ZNF324B: variants seen among roughly 807,000 people sequenced by gnomAD.
The protein encoded by ZNF324B is zinc finger protein 324B.
In ZNF324B, 7 loss-of-function variants were observed where a neutral mutation model predicts 10.6. The ratio of observed to expected loss-of-function variants is 0.66; its 90% CI spans 0.38 to 1.24. ZNF324B has a LOEUF of 1.24. ZNF324B is among the 50% of genes most tolerant of loss of function. ZNF324B has a pLI of 0.02. For synonymous variants in ZNF324B, 316 were observed against 321.0 expected, an observed-to-expected ratio of 0.98 and a Z score of 0.17; for missense variants, 640 against 764.7, an observed-to-expected ratio of 0.84 and a Z score of 1.92.
At chr19:58,424,994 G>A in the ZNF324B span, among the ~76,000 whole-genome samples, 4 of 152,084 alleles carry the variant, frequency 2.6e-5, no homozygotes, top group Admixed American at 2.0e-4. Flanking sequence ...TGTGGCTCAT[G>A]GCTGTAATCC....
At chr19:58,419,034 T>G in the ZNF324B span, 2 of 152,144 alleles carry the variant, frequency 1.3e-5, no homozygotes, top group Non-Finnish European at 2.9e-5. Context: ...TTTTTCTGCC[T>G]CAGTGGGGAT....
intron 1 of ZNF324B, among the ~76,000 whole-genome samples, chr19:58,451,953 C>G (rs9676488): frequency 0.043 from 6,565 of 152,304 alleles, 433 homozygotes; most frequent in African/African-American, 0.15. Flanking sequence ...CTCCCAGTTG[C>G]GGGTTCCGCT....
At chr19:58,451,442 A>C (rs1205046498), upstream of ZNF324B, among the ~76,000 whole-genome samples, 3 of 152,206 alleles carry the variant, frequency 2.0e-5, no homozygotes, top group Admixed American at 6.5e-5. Flanking sequence ...CAGCTGCGCT[A>C]CTCCATTTCC....
At position 58,456,774 on chromosome 19, in the gene ZNF324B, C is replaced by A; in HGVS notation, c.*195C>A. The stretch of plus-strand genomic sequence containing the variant: ...CCAGTTTAGTCATAGCTCACACCTC[C>A]ATCCTCAAAGAGGTAACACTGCAGA... On this transcript the variant is annotated 3_prime_UTR_variant, in exon 4 of 4. Transcript: ENST00000336614. This position sits in a 1 kb window ranked among gnomAD's most constrained non-coding sequence, Gnocchi z 4.7. 3.1e-6 allele frequency: 2 copies of A among 652,482 alleles called. No homozygotes were observed. Among genetic ancestry groups the A allele is most frequent in the Non-Finnish European group, 5.2e-6 (2 of 385,760 alleles). The allele number at this position is 652,482 out of a possible 1,614,324, so 40.4% of individuals were successfully genotyped here. A position where few individuals can be genotyped will look rare whatever the true frequency, so the allele number is the denominator to read the frequency against.
At chr19:58,441,485 G>A in the ZNF324B span, 6 of 152,232 alleles carry the variant, frequency 3.9e-5, no homozygotes, top group African/African-American at 1.4e-4. Flanking sequence ...ATGAGTAGGG[G>A]TGAAGGACCA....
chr19:58,455,982 C>T lies in ZNF324B; in HGVS notation c.1038C>T (p.Cys346=). 3 of 1,591,516 alleles carry T rather than the reference C, an allele frequency of 1.9e-6. No individual in the cohort carries two copies. Among genetic ancestry groups the T allele is most frequent in the South Asian group, 2.2e-5 (2 of 89,862 alleles). Residue 346 remains cysteine (C), a synonymous_variant, in exon 4 of 4, where the codon TGC becomes TGT. Coordinates refer to ENST00000336614, the MANE Select transcript of ZNF324B (RefSeq NM_207395.3). The surrounding 1 kb of genome is among the most constrained non-coding windows in gnomAD (Gnocchi z 7.0). ...AGAAGTCCTTCCGCTGCTCCGAGTG[C>T]GGCAAGGCCTTCAGCCACGGCTCCA... ...TAEKSFRCSE[C]GKAFSHGSNL...
chr19:58,434,554 CCA>C, the ZNF324B span: 1 of 1,614,094 alleles, frequency 6.2e-7, no homozygotes, highest in South Asian at 1.1e-5. Flanking sequence ...AAAGGCCTTC[CCA>C]CACTCCTTAC....
chr19:58,442,341 T>A, the ZNF324B span: 3 of 149,796 alleles, frequency 2.0e-5, no homozygotes, highest in Non-Finnish European at 4.4e-5. Flanking sequence ...GCTAATTTTT[T>A]TTTTTTGTAT....
At chr19:58,435,486 C>A in the ZNF324B span, 1 of 340,348 alleles carries the variant, frequency 2.9e-6, no homozygotes. Context: ...GATATATACA[C>A]AAATGGCCAA....
Position 58,451,635 on chromosome 19 carries a change from T to G in ZNF324B, c.-76T>G, listed in dbSNP as rs753903709. 1.5e-5 allele frequency: 8 copies of G among 517,272 alleles called. No individual in the cohort carries two copies. The highest frequency in any genetic ancestry group is 1.4e-4 in the African/African-American group (7 of 51,688). 32.0% of individuals were successfully genotyped at this position (517,272 alleles called of 1,614,324 possible). On this transcript the variant is annotated 5_prime_UTR_variant, in exon 1 of 4. Transcript: ENST00000336614. ...GGCGTTGGGACTGTCACTTGGCTGC[T>G]CGCGTCAGGCCACACCGGTGGTCTG...
the ZNF324B span, chr19:58,445,468 C>T: frequency 9.6e-5 from 50 of 518,802 alleles, no homozygotes; most frequent in Non-Finnish European, 1.8e-4. Context: ...TGGAGAAAAG[C>T]CTTTTGATTA....
the ZNF324B span, among the ~76,000 whole-genome samples, chr19:58,421,631 G>A: frequency 2.0e-5 from 3 of 151,812 alleles, no homozygotes; most frequent in Admixed American, 6.6e-5. Flanking sequence ...CGCCCACCTC[G>A]GCCTCCCAAA....
chr19:58,427,436 TTCCTTCCTTTCCTTTCCCTTCC>T, the ZNF324B span, among the ~76,000 whole-genome samples: 7 of 44,670 alleles, frequency 1.6e-4, no homozygotes, highest in African/African-American at 7.5e-4. Flanking sequence ...CCTTCCTTCC[TTCCTTCCTTTCCTTTCCCTTCC>T]TTCCTTCCTT....
chr19:58,423,441 T>G, the ZNF324B span, among the ~76,000 whole-genome samples: 1 of 152,254 alleles, frequency 6.6e-6, no homozygotes, highest in African/African-American at 2.4e-5. Context: ...ATTGCAGGCA[T>G]GAGCCACTGC....
intron 1 of ZNF324B, 25 bp downstream of exon 1, chr19:58,451,729 C>T (rs773603235): frequency 1.3e-5 from 6 of 452,192 alleles, no homozygotes; most frequent in Non-Finnish European, 2.2e-5. Context: ...CAGCCGGCCG[C>T]GCCCCCAAGC....
the ZNF324B span, chr19:58,432,370 C>T: frequency 2.0e-6 from 1 of 507,228 alleles, no homozygotes; most frequent in African/African-American, 1.9e-5. Context: ...TCTGCACACC[C>T]TCACCCTGCA....
the ZNF324B span, chr19:58,433,478 C>G: frequency 1.2e-5 from 19 of 1,614,002 alleles, no homozygotes; most frequent in Non-Finnish European, 1.5e-5. Context: ...TGGATGCACT[C>G]ATAGGGCCTT....
intron 1 of ZNF324B, chr19:58,452,595 C>T (rs140839388): frequency 0.011 from 5,991 of 521,850 alleles, 51 homozygotes; most frequent in Admixed American, 0.026. Context: ...AAGAGAGCTG[C>T]TGTAGATAGA....
the ZNF324B span, among the ~76,000 whole-genome samples, chr19:58,427,369 T>C: frequency 5.4e-4 from 23 of 42,202 alleles, no homozygotes; most frequent in Middle Eastern, 0.01. Flanking sequence ...TTTCTTTCTT[T>C]CTTTCTTTCT....
Sources: allele counts gnomAD v4.1 joint callset (sites outside exome capture counted in the v4.1 genomes callset), GRCh38; gene constraint gnomAD v4.1.1; non-coding constraint Gnocchi (gnomAD v3.1); transcripts MANE v1.5; gene names NCBI Gene and HGNC (gene_info 2026-07-23, HGNC 2026-07-21).